Variants in LRP1B observed in about 807,000 individuals in gnomAD.
LRP1B encodes low-density lipoprotein receptor-related protein 1B.
In LRP1B, 217 loss-of-function variants were observed where a neutral mutation model predicts 556.6. The observed-to-expected ratio is 0.39, with a 90% CI of 0.35 to 0.44. The LOEUF is 0.44. Ranked by LOEUF, LRP1B falls within the 20% of genes least tolerant of loss-of-function variation. The pLI, the probability that LRP1B is intolerant of heterozygous loss-of-function variation, is 1.00. For synonymous variants in LRP1B, 2,047 were observed against 1,865.8 expected (o/e 1.10, Z -2.50); for missense variants, 5,053 against 5,620.8 (o/e 0.90, Z 3.23).
At position 140,501,674 on chromosome 2, in the gene LRP1B, G is replaced by T; in HGVS notation, c.8850+13C>A. Reference sequence around the variant, plus strand: ...ATGTATCGTATGATTTGCTACTTTTGATGAGTACCTACCTTATAACTGACC... The same window carrying T: ...ATGTATCGTATGATTTGCTACTTTTTATGAGTACCTACCTTATAACTGACC... On this transcript the variant is annotated intron_variant, in intron 55 of 90. Transcript: ENST00000389484. 6.4e-7 allele frequency: 1 copy of T among 1,558,628 alleles called. No individual in the cohort carries two copies.
chr2:141,391,943 A>T lies in LRP1B; in HGVS notation c.343+88453T>A, dbSNP rs16845979. 8.5e-3 allele frequency among the ~76,000 whole-genome samples: 1,296 copies of T among 152,268 alleles called. 19 individuals carry two copies. The highest frequency in any genetic ancestry group is 0.029 in the African/African-American group (1,187 of 41,570). ...CCCTATGATGTACCCACTACTATGTATAAGTAAAAATACCCTCTCAGGTTT... is the reference window on the plus strand; with the variant it reads ...CCCTATGATGTACCCACTACTATGTTTAAGTAAAAATACCCTCTCAGGTTT... On this transcript the variant is annotated intron_variant, in intron 3 of 90. Transcript: ENST00000389484.
intron 2 of LRP1B, among the ~76,000 whole-genome samples, chr2:141,481,074 A>G (rs192748220): frequency 6.6e-6 from 1 of 152,306 alleles, no homozygotes; most frequent in African/African-American, 2.4e-5. Context: ...TATGACTTCT[A>G]TTGTTTAAAA....
intron 2 of LRP1B, chr2:141,805,838 A>G (rs1696151936): frequency 6.6e-6 from 1 of 152,148 alleles, no homozygotes; most frequent in South Asian, 2.1e-4. Context: ...TGCTTTTTAC[A>G]GAAAAAGCAT....
At chr2:140,561,078 T>G (rs928253860) in intron 43 of LRP1B, among the ~76,000 whole-genome samples, 171 of 151,946 alleles carry the variant, frequency 1.1e-3, no homozygotes, top group African/African-American at 3.5e-3. Flanking sequence ...TCATTCTCCC[T>G]GGAGGCAAGC....
chr2:140,750,077 C>G (rs921122089), intron 35 of LRP1B, among the ~76,000 whole-genome samples: 3 of 102,838 alleles, frequency 2.9e-5, no homozygotes, highest in African/African-American at 8.6e-5. Flanking sequence ...ACTGTGCACA[C>G]GTACACACAC....
intron 31 of LRP1B, among the ~76,000 whole-genome samples, chr2:140,817,551 T>C (rs1237609518): frequency 6.6e-6 from 1 of 151,890 alleles, no homozygotes; most frequent in Non-Finnish European, 1.5e-5. Flanking sequence ...GCAAAAATTA[T>C]GTAATTTCTC....
rs2104872663 is a variant in LRP1B at position 140,495,557 on chromosome 2, T to C, written c.9034+8A>G. The C allele has an allele frequency of 6.4e-7, 1 of 1,572,436 alleles. No individual in the cohort carries two copies. The highest frequency in any genetic ancestry group is 8.7e-7 in the Non-Finnish European group (1 of 1,148,612). ...AGGTTGGATCAGTGGGCAAGTTCAA[T>C]TCGATACCTGAGAGCGATTTGCAGC... On this transcript the variant is annotated splice_region_variant and intron_variant, in intron 56 of 90. Transcript: ENST00000389484.
intron 20 of LRP1B, among the ~76,000 whole-genome samples, chr2:140,926,265 C>T (rs1318961917): frequency 1.3e-5 from 2 of 152,028 alleles, no homozygotes; most frequent in Non-Finnish European, 2.9e-5. Context: ...TAATGTGTAA[C>T]TCCTTGTCTT....
chr2:141,013,664 T>A lies in LRP1B; in HGVS notation c.2272A>T (p.Asn758Tyr), dbSNP rs2105385664. The A allele has an allele frequency of 6.2e-7, 1 of 1,612,120 alleles. No individual in the cohort carries two copies. Among genetic ancestry groups the A allele is most frequent in the Non-Finnish European group, 8.5e-7 (1 of 1,178,926 alleles). ...AAATCTAGTTGAAAAATGGAACCAT[T>A]CATATAATCAGTCCAGAACACATAA... The part of the protein sequence containing the change: ...GNYVFWTDYM[N>Y]GSIFQLDLIT... Residue 758 changes from asparagine (N) to tyrosine (Y), a missense_variant, in exon 14 of 91, where the codon AAT becomes TAT. Asn to Tyr is a moderately radical substitution (Grantham distance 143). This residue lies in a region of LRP1B where 3,619 missense variants were observed against 3,931.9 expected (regional missense o/e 0.92). Transcript: ENST00000389484.
chr2:141,687,827 C>G (rs1437562046), intron 2 of LRP1B, among the ~76,000 whole-genome samples: 1 of 151,778 alleles, frequency 6.6e-6, no homozygotes, highest in African/African-American at 2.4e-5. Flanking sequence ...GAGAACTGAC[C>G]TGGCATATTT....
At chr2:140,363,101 T>G (rs1180052088) in intron 72 of LRP1B, among the ~76,000 whole-genome samples, 1 of 151,712 alleles carries the variant, frequency 6.6e-6, no homozygotes, top group Non-Finnish European at 1.5e-5. Flanking sequence ...TCTGTGCCTT[T>G]TCCATACTTT....
At chr2:141,375,633 G>T (rs1332642894) in intron 3 of LRP1B, among the ~76,000 whole-genome samples, 8 of 152,148 alleles carry the variant, frequency 5.3e-5, no homozygotes, top group Non-Finnish European at 1.0e-4. Context: ...CAGCTGGGTG[G>T]GAGCTGCAAC....
intron 3 of LRP1B, among the ~76,000 whole-genome samples, chr2:141,463,572 TTATATATA>T (rs1282631134): frequency 0.29 from 27,067 of 92,124 alleles, 4,430 homozygotes; most frequent in East Asian, 0.53. Context: ...ATATTATATA[TTATATATA>T]ATTATATATA....
At chr2:140,442,292 A>G (rs1159508964) in intron 66 of LRP1B, among the ~76,000 whole-genome samples, 1 of 152,200 alleles carries the variant, frequency 6.6e-6, no homozygotes, top group Admixed American at 6.5e-5. Flanking sequence ...GTTCTGGGTT[A>G]TATTAAGGAA....
At chr2:141,504,509 G>T (rs1051791678) in intron 2 of LRP1B, among the ~76,000 whole-genome samples, 1 of 152,020 alleles carries the variant, frequency 6.6e-6, no homozygotes, top group Non-Finnish European at 1.5e-5. Flanking sequence ...TTGAAAATGG[G>T]AATTCCAACC....
chr2:141,611,587 T>G (rs75708866), intron 2 of LRP1B, among the ~76,000 whole-genome samples: 553 of 152,326 alleles, frequency 3.6e-3, no homozygotes, highest in Non-Finnish European at 6.4e-3. Context: ...TGCTAAGAGT[T>G]GTGCTTCAGG....
intron 85 of LRP1B, among the ~76,000 whole-genome samples, chr2:140,272,169 T>C (rs535519277): frequency 6.6e-6 from 1 of 151,802 alleles, no homozygotes; most frequent in East Asian, 2.0e-4. Flanking sequence ...GTTAAAATCA[T>C]TACAATACAT....
chr2:140,932,916 CATATATATGTGTATAT>C (rs1559202602), intron 20 of LRP1B, among the ~76,000 whole-genome samples: 1 of 147,520 alleles, frequency 6.8e-6, no homozygotes, highest in African/African-American at 2.5e-5. Flanking sequence ...CACACACACA[CATATATATGTGTATAT>C]ATATACACAT....
At chr2:141,207,650 G>C (rs16845604) in intron 6 of LRP1B, among the ~76,000 whole-genome samples, 4,414 of 143,092 alleles carry the variant, frequency 0.031, 231 homozygotes, top group African/African-American at 0.1. Flanking sequence ...GCACATGTGG[G>C]GAGCATGTTT....
Sources: gnomAD v4.1 joint callset for allele counts (sites outside exome capture counted in the v4.1 genomes callset) on GRCh38, gnomAD v4.1.1 for gene constraint, gnomAD v4.1.1 regional missense constraint, MANE v1.5 for transcripts, NCBI Gene and HGNC (gene_info 2026-07-23, HGNC 2026-07-21) for gene names.